The following TAFA2 variants were observed in gnomAD, a reference collection of about 807,000 sequenced individuals.
TAFA2 encodes the protein TAFA chemokine like family member 2.
TAFA2 carries 7 observed loss-of-function variants against 18.8 expected under a neutral mutation model. That is an observed-to-expected ratio of 0.37 (90% CI 0.21 to 0.70). TAFA2 has a LOEUF of 0.70. TAFA2 is among the 30% of genes least tolerant of loss of function. The pLI is 0.53. For missense variants in TAFA2, 122 were observed against 158.1 expected (o/e 0.77, Z 1.23); for synonymous variants, 60 against 54.2 (o/e 1.11, Z -0.47).
chr12:62,227,959 G>A (rs181242835), intron 1 of TAFA2, among the ~76,000 whole-genome samples: 14 of 152,022 alleles, frequency 9.2e-5, no homozygotes, highest in African/African-American at 3.4e-4. Context: ...TCTGTTCCAT[G>A]GGTCTATGTA....
chr12:61,866,501 A>C (rs1874361126), intron 2 of TAFA2, among the ~76,000 whole-genome samples: 1 of 152,186 alleles, frequency 6.6e-6, no homozygotes, highest in Non-Finnish European at 1.5e-5. Context: ...AAAAATCTAA[A>C]TTGATTTCTC....
intron 1 of TAFA2, among the ~76,000 whole-genome samples, chr12:62,077,971 C>T (rs1434707152): frequency 6.6e-6 from 1 of 152,154 alleles, no homozygotes; most frequent in Non-Finnish European, 1.5e-5. Flanking sequence ...TATATCTACT[C>T]CCTATCACAC....
chr12:61,780,147 G>A (rs202196566), intron 2 of TAFA2, among the ~76,000 whole-genome samples: 1 of 151,668 alleles, frequency 6.6e-6, no homozygotes, highest in East Asian at 2.0e-4. Flanking sequence ...GAGAGGGCAG[G>A]AAGCAGATTA....
At chr12:61,929,550 G>A (rs1305397319) in intron 1 of TAFA2, among the ~76,000 whole-genome samples, 1 of 152,142 alleles carries the variant, frequency 6.6e-6, no homozygotes, top group South Asian at 2.1e-4. Context: ...TTTTTACACT[G>A]TTGGTGGGAC....
chr12:61,969,120 TATC>T (rs1201106849), intron 1 of TAFA2, among the ~76,000 whole-genome samples: 29 of 151,754 alleles, frequency 1.9e-4, no homozygotes, highest in Non-Finnish European at 4.3e-4. Flanking sequence ...AAGTCAGAAA[TATC>T]ATTATGACAT....
rs746013244 is a variant in TAFA2 at position 62,157,323 on chromosome 12, TG to T, written c.-2+33935del. ...GAAAGAAGAAACTAGGAAAATATTC[TG>T]TCTCTTTGACAATATAATTACAGTG... On this transcript the variant is annotated intron_variant, in intron 1 of 4. Coordinates refer to ENST00000416284, the MANE Select transcript of TAFA2 (RefSeq NM_178539.5). 2.6e-5 allele frequency among the ~76,000 whole-genome samples: 4 copies of T among 152,206 alleles called. No homozygotes were observed. The East Asian group carries it at 7.7e-4, about 29-fold the overall frequency.
chr12:62,234,371 C>A (rs1057160944), intron 1 of TAFA2: 4 of 628,324 alleles, frequency 6.4e-6, no homozygotes, highest in Non-Finnish European at 1.2e-5. Flanking sequence ...GCCTAGAATC[C>A]TCTTCCTTCA....
chr12:61,973,358 T>C (rs570151749), intron 1 of TAFA2, among the ~76,000 whole-genome samples: 1 of 151,476 alleles, frequency 6.6e-6, no homozygotes, highest in Admixed American at 6.6e-5. Flanking sequence ...GTTGCAAACA[T>C]ATGTAAGTTC....
chr12:61,733,871 C>A (rs1868260760), intron 4 of TAFA2, among the ~76,000 whole-genome samples: 2 of 150,458 alleles, frequency 1.3e-5, no homozygotes, highest in African/African-American at 4.9e-5. Context: ...GGCAGTATGG[C>A]CATTTTCATG....
At chr12:61,777,079 G>T (rs76466164) in intron 2 of TAFA2, among the ~76,000 whole-genome samples, 6,899 of 151,874 alleles carry the variant, frequency 0.045, 491 homozygotes, top group African/African-American at 0.16. Context: ...ATTTGCCTTT[G>T]TCTCCTGAAA....
chr12:61,879,442 G>GGCA, intron 1 of TAFA2: 1 of 698,226 alleles, frequency 1.4e-6, no homozygotes, highest in Admixed American at 2.0e-5. Context: ...CTCCCGAGTG[G>GGCA]GCAGCAGCAG....
intron 1 of TAFA2, among the ~76,000 whole-genome samples, chr12:62,112,361 T>G (rs1010428182): frequency 1.3e-5 from 2 of 152,246 alleles, no homozygotes; most frequent in African/African-American, 4.8e-5. Context: ...GATCTGCTGT[T>G]AGTCTGATGG....
intron 1 of TAFA2, among the ~76,000 whole-genome samples, chr12:62,010,366 C>T (rs540754788): frequency 2.6e-5 from 4 of 152,196 alleles, no homozygotes; most frequent in African/African-American, 9.6e-5. Context: ...CCCTGTTGAC[C>T]GGGCTGGTCT....
chr12:61,771,654 T>C (rs537044799), intron 2 of TAFA2, among the ~76,000 whole-genome samples: 15 of 151,972 alleles, frequency 9.9e-5, no homozygotes, highest in African/African-American at 3.6e-4. Context: ...GAAACCAAAA[T>C]TGAAATTTTA....
At chr12:61,853,155 C>T (rs1376150631) in intron 2 of TAFA2, among the ~76,000 whole-genome samples, 1 of 152,028 alleles carries the variant, frequency 6.6e-6, no homozygotes, top group East Asian at 1.9e-4. Context: ...ACATTGTATA[C>T]CCTAAATATA....
At chr12:62,113,435 G>T (rs538628751) in intron 1 of TAFA2, among the ~76,000 whole-genome samples, 2 of 152,300 alleles carry the variant, frequency 1.3e-5, no homozygotes, top group Admixed American at 1.3e-4. Context: ...CTGCTGAGAA[G>T]TGTCTCCCAG....
rs565867251 is a variant in TAFA2, at chr12:62,233,865, G to C, written c.-130+24898C>G. Among the ~76,000 whole-genome samples, 6 of 152,324 alleles carry C rather than the reference G, an allele frequency of 3.9e-5. No individual in the cohort carries two copies. The South Asian group carries it at 1.2e-3, about 32-fold the overall frequency. On this transcript the variant is annotated intron_variant, in intron 1 of 5. Transcript: ENST00000551619. ...GTATACTGGGGCCACTAGTAACACA[G>C]ACCGAGGCAGCAAAGTAGGACAGGG...
At chr12:62,049,449 T>C (rs553887577) in intron 1 of TAFA2, among the ~76,000 whole-genome samples, 14 of 152,120 alleles carry the variant, frequency 9.2e-5, no homozygotes, top group Non-Finnish European at 1.6e-4. Flanking sequence ...ACCAGTGTTA[T>C]TGGGAACAGG....
intron 2 of TAFA2, among the ~76,000 whole-genome samples, chr12:61,795,832 A>T (rs1294194988): frequency 2.0e-5 from 3 of 152,100 alleles, no homozygotes; most frequent in East Asian, 3.9e-4. Context: ...AATAATCAAG[A>T]CTTACAGTAC....
Sources: gnomAD v4.1 joint callset for allele counts (sites outside exome capture counted in the v4.1 genomes callset) on GRCh38, gnomAD v4.1.1 for gene constraint, MANE v1.5 for transcripts, NCBI Gene and HGNC (gene_info 2026-07-23, HGNC 2026-07-21) for gene names.